The following SPTBN2 variants were observed in gnomAD, a reference collection of about 807,000 sequenced individuals.
SPTBN2 encodes the protein spectrin beta chain, non-erythrocytic 2.
A neutral mutation model predicts 284.2 loss-of-function variants in SPTBN2; 107 were observed. The observed-to-expected ratio is 0.38, with a 90% CI of 0.32 to 0.44. The LOEUF (loss-of-function observed/expected upper bound fraction) is 0.44, where lower values mean the gene tolerates loss of function less well. Among genes scored for constraint, SPTBN2 ranks in the 20% least tolerant of loss-of-function variants. The pLI, the probability that SPTBN2 is intolerant of heterozygous loss-of-function variation, is 1.00. For synonymous variants in SPTBN2, 1,289 were observed against 1,354.8 expected, an observed-to-expected ratio of 0.95 and a Z score of 1.07; for missense variants, 2,569 against 3,287.1, an observed-to-expected ratio of 0.78 and a Z score of 5.34.
intron 15 of SPTBN2, among the ~76,000 whole-genome samples, chr11:66,703,681 G>A (rs1941368623): frequency 6.6e-6 from 1 of 151,800 alleles, no homozygotes; most frequent in Non-Finnish European, 1.5e-5. Flanking sequence ...AGCATGCAGT[G>A]AGCCGAGATC....
Position 66,688,285 on chromosome 11 carries a change from C to A in SPTBN2, c.6258G>T (p.Lys2086Asn). The A allele has an allele frequency of 1.2e-6, 2 of 1,607,002 alleles. No individual in the cohort carries two copies. The highest frequency in any genetic ancestry group is 1.7e-6 in the Non-Finnish European group (2 of 1,176,836). ...TALEEREKER[K>N]RKREEEERRK... is the part of the protein sequence containing the mutation. The stretch of plus-strand genomic sequence containing the variant: ...GCCGCTCCTCCTCCTCCCTCTTTCT[C>A]TTTCGCTCCTTCTCCCGCTCCTCTA... Residue 2086 changes from lysine to asparagine, a missense_variant, in exon 32 of 38, where the codon AAG becomes AAT. Physicochemically the swap from Lys to Asn is moderately conservative, Grantham distance 94. This residue lies in a region of SPTBN2 where 1,130 missense variants were observed against 1,317.3 expected (regional missense o/e 0.86). Coordinates refer to ENST00000533211, the MANE Select transcript of SPTBN2 (RefSeq NM_006946.4).
rs753491527 is a variant in SPTBN2 at position 66,705,303 on chromosome 11, C to T, written c.1973G>A (p.Arg658Gln). 1.7e-5 allele frequency: 27 copies of T among 1,605,464 alleles called. No homozygotes were observed. The Admixed American group carries it at 2.0e-4, about 12-fold the overall frequency. ...TGAGGCCAGGAGGTGCTGCTGCTCC[C>T]GCACCCAGGCCTCAGCTTCACCCAC... ...WEVGEAEAWV[R>Q]EQQHLLASAD... The change falls in exon 15 of 38, where the codon CGG (arginine) becomes CAG (glutamine). Residue 658 changes from arginine to glutamine, a missense_variant. Arg to Gln is a conservative substitution (Grantham distance 43). Coordinates refer to ENST00000533211, the MANE Select transcript of SPTBN2 (RefSeq NM_006946.4).
chr11:66,696,172 T>C, intron 21 of SPTBN2, 105 bp downstream of exon 21: 7 of 1,399,996 alleles, frequency 5.0e-6, no homozygotes, highest in East Asian at 2.4e-5. Flanking sequence ...TGGGAAATGC[T>C]AGTGAAGGTG....
rs1477907987 is a variant in SPTBN2, at chr11:66,713,725, C to T, written c.678G>A (p.Glu226=). 3 of 1,614,100 alleles carry T rather than the reference C, an allele frequency of 1.9e-6. No homozygotes were observed. The highest frequency in any genetic ancestry group is 2.5e-6 in the Non-Finnish European group (3 of 1,179,998). The change falls in exon 8 of 38, where the codon GAG becomes GAA. Residue 226 remains glutamate, a synonymous_variant. Transcript: ENST00000533211. ...AGTGTGCATTACACTTCTTCAGAGA[C>T]TCAAAATCCAGCAGGTCTGGCCTGG... ...HKHRPDLLDF[E]SLKKCNAHYN... is the part of the protein sequence containing the mutation.
chr11:66,712,254 A>T (rs915453354), intron 8 of SPTBN2, among the ~76,000 whole-genome samples: 1 of 152,250 alleles, frequency 6.6e-6, no homozygotes, highest in African/African-American at 2.4e-5. Context: ...GTATCAAATA[A>T]GAGCCTAATC....
At position 66,691,785 on chromosome 11, in the gene SPTBN2, G is replaced by T; in HGVS notation, c.5191-127C>A. Reference sequence around the variant, plus strand: ...CCCCGCTGCATGGGGGCCGGGACAGGTTTCTTCCCTGTGGTTAAGGAGTAG... The same window carrying T: ...CCCCGCTGCATGGGGGCCGGGACAGTTTTCTTCCCTGTGGTTAAGGAGTAG... On this transcript the variant is annotated intron_variant, in intron 26 of 37. Transcript: ENST00000533211. This position sits in a 1 kb window ranked among gnomAD's most constrained non-coding sequence, Gnocchi z 8.0. 2.1e-6 allele frequency: 3 copies of T among 1,406,596 alleles called. No homozygotes were observed. Among genetic ancestry groups the T allele is most frequent in the Non-Finnish European group, 2.9e-6 (3 of 1,020,554 alleles). 87.1% of individuals were successfully genotyped at this position (1,406,596 alleles called of 1,614,324 possible). A position where few individuals can be genotyped will look rare whatever the true frequency, so the allele number is the denominator to read the frequency against.
Position 66,691,704 on chromosome 11 carries a change from A to T in SPTBN2, c.5191-46T>A, listed in dbSNP as rs376929538. ...ACAGACCATGCCGTGATGTTAGGGG[A>T]TGTGGTCCCTGCCTGATGGAGCGAG... On this transcript the variant is annotated intron_variant, in intron 26 of 37. Coordinates refer to ENST00000533211, the MANE Select transcript of SPTBN2 (RefSeq NM_006946.4). The surrounding 1 kb of genome is among the most constrained non-coding windows in gnomAD (Gnocchi z 8.0). 1 of 1,611,356 alleles carries T rather than the reference A, an allele frequency of 6.2e-7. No individual in the cohort carries two copies. Among genetic ancestry groups the T allele is most frequent in the African/African-American group, 1.3e-5 (1 of 75,022 alleles).
rs939409743 is a variant in SPTBN2, at chr11:66,683,258, G to A, written c.*2613C>T. Among the ~76,000 whole-genome samples, 5 of 151,796 alleles carry A rather than the reference G, an allele frequency of 3.3e-5. No individual in the cohort carries two copies. Among genetic ancestry groups the A allele is most frequent in the African/African-American group, 1.2e-4 (5 of 41,392 alleles). On this transcript the variant is annotated 3_prime_UTR_variant, in exon 38 of 38. Transcript: ENST00000533211. ...AATTTTTGTATTTTTAGTAGAGACG[G>A]GGTTTCACCGTTTTAGCCGGGATGG...
rs780141702 is a variant in SPTBN2 at position 66,694,178 on chromosome 11, G to A, written c.4464C>T (p.Arg1488=). Residue 1488 remains arginine, a synonymous_variant, in exon 22 of 38, where the codon CGC becomes CGT. Coordinates refer to ENST00000533211, the MANE Select transcript of SPTBN2 (RefSeq NM_006946.4). ...CATCGCGGTGGAACTGGTGCTGCTC[G>A]CGAGAAGCCTGCAGGCGCCGGCAGC... The part of the protein sequence containing the change: ...RERCRRLQAS[R]EQHQFHRDVE... The A allele has an allele frequency of 1.7e-5, 27 of 1,611,698 alleles. No homozygotes were observed. Among genetic ancestry groups the A allele is most frequent in the East Asian group, 6.7e-5 (3 of 44,894 alleles).
At chr11:66,686,701 G>T in intron 36 of SPTBN2, 1 of 630,254 alleles carries the variant, frequency 1.6e-6, no homozygotes, top group Non-Finnish European at 2.8e-6. Context: ...TGGCAGGCAG[G>T]GACAGGCCCC....
chr11:66,728,091 A>G (rs1476751268), intron 1 of SPTBN2: 4 of 145,562 alleles, frequency 2.7e-5, no homozygotes, highest in Non-Finnish European at 1.5e-5. Context: ...GACCCCGCCG[A>G]CCGCACGCGG....
At chr11:66,727,634 C>T (rs1942668667) in intron 1 of SPTBN2, among the ~76,000 whole-genome samples, 1 of 152,158 alleles carries the variant, frequency 6.6e-6, no homozygotes, top group South Asian at 2.1e-4. Context: ...GTTCCGGCCA[C>T]CACAGCCAAC....
chr11:66,694,720 T>TTA (rs1444248852), intron 21 of SPTBN2, among the ~76,000 whole-genome samples: 1 of 152,204 alleles, frequency 6.6e-6, no homozygotes, highest in Non-Finnish European at 1.5e-5. Flanking sequence ...ACTGTGCCCA[T>TTA]TATCAATTCA....
intron 1 of SPTBN2, among the ~76,000 whole-genome samples, chr11:66,738,876 A>G (rs1393877599): frequency 1.3e-5 from 2 of 151,298 alleles, no homozygotes; most frequent in African/African-American, 2.4e-5. Flanking sequence ...CAGCAGCCCA[A>G]TCTCAGCTCA....
At chr11:66,720,955 T>C (rs1220129609) in intron 3 of SPTBN2, 129 bp downstream of exon 3, 1 of 1,277,918 alleles carries the variant, frequency 7.8e-7, no homozygotes, top group Admixed American at 2.0e-5. Flanking sequence ...ACCAGGGAAT[T>C]GATAGAGTGC....
Position 66,728,943 on chromosome 11 carries a change from C to A in SPTBN2, c.-316G>T, listed in dbSNP as rs746535836. On this transcript the variant is annotated 5_prime_UTR_variant, in exon 1 of 38. An upstream open reading frame in the 5' UTR gains an earlier in-frame stop. Coordinates refer to ENST00000533211, the MANE Select transcript of SPTBN2 (RefSeq NM_006946.4). ...CCTCCTTCAGGCAGCTGGGCCGGCT[C>A]TCCCTCCCAGAACATCTCCATGGCA... 1 of 152,766 alleles carries A rather than the reference C, an allele frequency of 6.5e-6. No individual in the cohort carries two copies. The highest frequency in any genetic ancestry group is 2.1e-4 in the South Asian group (1 of 4,832). The allele number at this position is 152,766 out of a possible 1,614,324, so 9.5% of individuals were successfully genotyped here.
rs761208795 is a variant in SPTBN2 at position 66,690,137 on chromosome 11, C to T, written c.5712G>A (p.Leu1904=). 5.0e-6 allele frequency: 8 copies of T among 1,614,220 alleles called. No homozygotes were observed. Among genetic ancestry groups the T allele is most frequent in the Non-Finnish European group, 6.8e-6 (8 of 1,180,052 alleles). Residue 1904 remains leucine (L), a synonymous_variant, in exon 28 of 38, where the codon CTG becomes CTA. Transcript: ENST00000533211. ...AGAAGCGGAACTTGTCTGTGGTGTC[C>T]AGCAGCAGCTGCCGGCGGGCGGCAG... ...GSSAARRQLL[L]DTTDKFRFFK... is the part of the protein sequence containing the mutation.
At chr11:66,702,986 C>T (rs1321262960) in intron 15 of SPTBN2, among the ~76,000 whole-genome samples, 1 of 139,834 alleles carries the variant, frequency 7.2e-6, no homozygotes, top group African/African-American at 2.6e-5. Flanking sequence ...TTTACAGAAA[C>T]AGGCAGCAGG....
intron 1 of SPTBN2, chr11:66,728,312 C>CGGCGCGGGG (rs1413220941): frequency 2.1e-5 from 3 of 144,960 alleles, no homozygotes; most frequent in Non-Finnish European, 1.5e-5. Context: ...GGGGCGCAGG[C>CGGCGCGGGG]GGCGCGGGGG....
Sources: allele counts gnomAD v4.1 joint callset (sites outside exome capture counted in the v4.1 genomes callset), GRCh38; gene constraint gnomAD v4.1.1; regional missense constraint gnomAD v4.1.1; non-coding constraint Gnocchi (gnomAD v3.1); transcripts MANE v1.5; gene names NCBI Gene and HGNC (gene_info 2026-07-23, HGNC 2026-07-21).